The following RFC3 variants were observed in gnomAD, a reference collection of about 807,000 sequenced individuals.
RFC3 encodes the protein replication factor C subunit 3, also known as A1 38 kDa subunit.
In RFC3, 41 loss-of-function variants were observed where a neutral mutation model predicts 45.1. The observed-to-expected ratio is 0.91, with a 90% CI of 0.71 to 1.18. The LOEUF (loss-of-function observed/expected upper bound fraction) is 1.18. RFC3 is among the 50% of genes most tolerant of loss of function. The pLI, the probability that RFC3 is intolerant of heterozygous loss-of-function variation, is 0.00. For missense variants in RFC3, 423 were observed against 428.1 expected, an observed-to-expected ratio of 0.99 and a Z score of 0.10; for synonymous variants, 149 against 144.0, an observed-to-expected ratio of 1.03 and a Z score of -0.25.
chr13:33,942,495 G>A (rs2082930967), intron 8 of RFC3, among the ~76,000 whole-genome samples: 1 of 152,040 alleles, frequency 6.6e-6, no homozygotes, highest in South Asian at 2.1e-4. Flanking sequence ...TTAATTTAAT[G>A]CTAAGGTACA....
intron 8 of RFC3, among the ~76,000 whole-genome samples, chr13:33,866,058 C>CA (rs1231712932): frequency 3.3e-5 from 5 of 151,682 alleles, no homozygotes; most frequent in East Asian, 1.9e-4. Flanking sequence ...GACTCCATCT[C>CA]AAAAAAAACA....
intron 7 of RFC3, among the ~76,000 whole-genome samples, chr13:33,834,323 T>C (rs9563826): frequency 0.011 from 1,323 of 116,668 alleles, 67 homozygotes; most frequent in African/African-American, 0.045. Context: ...TATATATATA[T>C]ATATATATCT....
At chr13:33,972,562 T>G in the RFC3 span, among the ~76,000 whole-genome samples, 2 of 152,242 alleles carry the variant, frequency 1.3e-5, no homozygotes, top group South Asian at 4.1e-4. Flanking sequence ...TCATTTCTAC[T>G]TGGGTCTACC....
chr13:33,836,455 T>C lies in RFC3; in HGVS notation c.*160T>C. On this transcript the variant is annotated 3_prime_UTR_variant, in exon 9 of 9. Coordinates refer to ENST00000380071, the MANE Select transcript of RFC3 (RefSeq NM_002915.4). ...ACTATTAATCATCCTCTGAGTTAAA[T>C]AATTGCTCCTATACTATTGAAGTAT... 5 of 1,428,680 alleles carry C rather than the reference T, an allele frequency of 3.5e-6. No homozygotes were observed. In the South Asian group the frequency reaches 7.6e-5, roughly 22 times the overall value. 88.5% of individuals were successfully genotyped at this position (1,428,680 alleles called of 1,614,324 possible). A position where few individuals can be genotyped will look rare whatever the true frequency, so the allele number is the denominator to read the frequency against.
chr13:33,819,961 T>C (rs1171086959), intron 1 of RFC3, among the ~76,000 whole-genome samples: 1 of 152,246 alleles, frequency 6.6e-6, no homozygotes, highest in Non-Finnish European at 1.5e-5. Flanking sequence ...TGAATAGTTC[T>C]TTTCCTTGGG....
intron 8 of RFC3, among the ~76,000 whole-genome samples, chr13:33,925,505 TAC>T: frequency 6.9e-6 from 1 of 144,704 alleles, no homozygotes; most frequent in South Asian, 2.2e-4. Context: ...ACTATATACA[TAC>T]ATACATAGTG....
chr13:33,861,775 A>G (rs749584826), intron 8 of RFC3, among the ~76,000 whole-genome samples: 1 of 152,176 alleles, frequency 6.6e-6, no homozygotes, highest in Non-Finnish European at 1.5e-5. Flanking sequence ...GAGGCTCCCA[A>G]AATGATTTTT....
At chr13:33,964,603 T>C (rs1170294481) in intron 8 of RFC3, among the ~76,000 whole-genome samples, 3 of 152,200 alleles carry the variant, frequency 2.0e-5, no homozygotes, top group Non-Finnish European at 4.4e-5. Context: ...AAATGCTAAC[T>C]GGGCTGTCTG....
the RFC3 span, among the ~76,000 whole-genome samples, chr13:33,972,008 T>C: frequency 1.3e-5 from 2 of 152,060 alleles, no homozygotes; most frequent in Admixed American, 1.3e-4. Context: ...CTAGCTACTC[T>C]GGAGGCTGAG....
rs781732264 is a variant in RFC3 at position 33,831,345 on chromosome 13, C to G, written c.800C>G (p.Thr267Ser). 10 of 1,577,000 alleles carry G rather than the reference C, an allele frequency of 6.3e-6. No individual in the cohort carries two copies. The highest frequency in any genetic ancestry group is 7.9e-6 in the Non-Finnish European group (9 of 1,146,232). ...GCAAATGCTATTGTCAGTCAGCAAA[C>G]TCCACAAAGGTACCAGTATAAAATG... ...ETANAIVSQQ[T>S]PQRLLEVRGR... is the part of the protein sequence containing the mutation. The change falls in exon 7 of 9, where the codon ACT becomes AGT. Residue 267 changes from threonine (T) to serine (S), a missense_variant. Physicochemically the swap from Thr to Ser is moderately conservative, Grantham distance 58. Transcript: ENST00000380071.
At chr13:33,933,566 C>T (rs1045701335) in intron 8 of RFC3, among the ~76,000 whole-genome samples, 7 of 152,006 alleles carry the variant, frequency 4.6e-5, no homozygotes, top group East Asian at 1.9e-4. Flanking sequence ...TCTCTGTCTC[C>T]GTGTAACAAA....
chr13:33,871,224 A>G (rs1315193905), intron 8 of RFC3, among the ~76,000 whole-genome samples: 1 of 152,190 alleles, frequency 6.6e-6, no homozygotes, highest in Non-Finnish European at 1.5e-5. Flanking sequence ...ATAACCATAA[A>G]TCAAGTGGCT....
At chr13:33,922,294 ACAC>A (rs1374317778) in intron 8 of RFC3, among the ~76,000 whole-genome samples, 1 of 152,018 alleles carries the variant, frequency 6.6e-6, no homozygotes, top group Admixed American at 6.6e-5. Context: ...TGTGTGATCA[ACAC>A]CACAATCTAA....
chr13:33,844,617 C>T (rs1233585504), intron 8 of RFC3, among the ~76,000 whole-genome samples: 2 of 152,108 alleles, frequency 1.3e-5, no homozygotes, highest in African/African-American at 2.4e-5. Flanking sequence ...AAACTGATGA[C>T]AATTTAACAC....
chr13:33,895,133 C>T (rs1349745812), intron 8 of RFC3, among the ~76,000 whole-genome samples: 1 of 141,458 alleles, frequency 7.1e-6, no homozygotes, highest in Non-Finnish European at 1.5e-5. Flanking sequence ...GCCAATGCAA[C>T]ACAAACAAAA....
chr13:33,929,326 A>T (rs1232685009), intron 8 of RFC3, among the ~76,000 whole-genome samples: 2 of 152,084 alleles, frequency 1.3e-5, no homozygotes, highest in African/African-American at 2.4e-5. Context: ...AAAAAAATTT[A>T]ATTGTAGGTA....
chr13:33,860,459 A>T (rs2082333871), intron 8 of RFC3, among the ~76,000 whole-genome samples: 1 of 152,110 alleles, frequency 6.6e-6, no homozygotes, highest in African/African-American at 2.4e-5. Context: ...ATTGCTCCTT[A>T]CTTGTCCCCT....
chr13:33,960,701 C>T (rs553829877), intron 8 of RFC3, among the ~76,000 whole-genome samples: 1 of 152,062 alleles, frequency 6.6e-6, no homozygotes, highest in African/African-American at 2.4e-5. Flanking sequence ...GGTGCAGGCT[C>T]CCCTTCTCCC....
chr13:33,825,891 G>T lies in RFC3; in HGVS notation c.391+5G>T, dbSNP rs779711806. 2 of 1,581,720 alleles carry T rather than the reference G, an allele frequency of 1.3e-6. No individual in the cohort carries two copies. The highest frequency in any genetic ancestry group is 1.7e-6 in the Non-Finnish European group (2 of 1,157,796). The stretch of plus-strand genomic sequence containing the variant: ...ACTCTCAAAGGGATTTTAAAGGTAG[G>T]TGATCAAAAGACTTCTTTTTATGAA... On this transcript the variant is annotated splice_donor_5th_base_variant and intron_variant, in intron 4 of 8. Transcript: ENST00000380071.
Sources: gnomAD v4.1 joint callset for allele counts (sites outside exome capture counted in the v4.1 genomes callset) on GRCh38, gnomAD v4.1.1 for gene constraint, MANE v1.5 for transcripts, NCBI Gene and HGNC (gene_info 2026-07-23, HGNC 2026-07-21) for gene names.